The following IGFL2 variants were observed in gnomAD, a reference collection of about 807,000 sequenced individuals.
IGFL2 encodes the protein IGF like family member 2, also known as insulin growth factor-like family member 2.
In IGFL2, 7 loss-of-function variants were observed where a neutral mutation model predicts 13.9. The ratio of observed to expected loss-of-function variants is 0.51; its 90% confidence interval spans 0.29 to 0.95. IGFL2 has a LOEUF of 0.95. Among genes scored for constraint, IGFL2 ranks in the 40% least tolerant of loss-of-function variants. The probability of loss-of-function intolerance (pLI) is 0.08; values close to 1 mark genes in which losing one functional copy is unlikely to be tolerated. For missense variants in IGFL2, 138 were observed against 147.8 expected, an observed-to-expected ratio of 0.93 and a Z score of 0.34; for synonymous variants, 55 against 55.8, an observed-to-expected ratio of 0.99 and a Z score of 0.07.
the IGFL2 span, among the ~76,000 whole-genome samples, chr19:46,109,320 CTT>C: frequency 3.6e-4 from 52 of 144,736 alleles, no homozygotes; most frequent in Non-Finnish European, 2.9e-4. Flanking sequence ...TTACAAAGTA[CTT>C]TTTTTTTTTT....
the IGFL2 span, among the ~76,000 whole-genome samples, chr19:46,089,654 T>G: frequency 6.7e-6 from 1 of 149,822 alleles, no homozygotes; most frequent in Admixed American, 6.6e-5. Context: ...GGTGGTAGGT[T>G]TTTTTTTTTC....
chr19:46,133,604 T>C, the IGFL2 span, among the ~76,000 whole-genome samples: 2 of 152,234 alleles, frequency 1.3e-5, no homozygotes, highest in Admixed American at 1.3e-4. Context: ...AGGGCAAATA[T>C]CTAGGCTAAA....
At chr19:46,188,761 A>T in the IGFL2 span, among the ~76,000 whole-genome samples, 1 of 152,204 alleles carries the variant, frequency 6.6e-6, no homozygotes, top group South Asian at 2.1e-4. Flanking sequence ...TTGTCCTCTG[A>T]TGCCCACATA....
chr19:46,103,279 T>C, the IGFL2 span, among the ~76,000 whole-genome samples: 2 of 152,042 alleles, frequency 1.3e-5, no homozygotes, highest in African/African-American at 4.8e-5. Flanking sequence ...TAGCAGTAAG[T>C]CAAAGCCTCG....
the IGFL2 span, among the ~76,000 whole-genome samples, chr19:46,205,085 C>A: frequency 6.6e-6 from 1 of 152,116 alleles, no homozygotes; most frequent in South Asian, 2.1e-4. Context: ...CCGTGCCCAG[C>A]ATGAAATAAA....
chr19:46,191,128 T>C, the IGFL2 span, among the ~76,000 whole-genome samples: 1 of 152,112 alleles, frequency 6.6e-6, no homozygotes, highest in East Asian at 1.9e-4. Context: ...CACCTTCCTT[T>C]CTAAATTTAA....
At chr19:46,086,396 C>T in the IGFL2 span, among the ~76,000 whole-genome samples, 12 of 152,094 alleles carry the variant, frequency 7.9e-5, no homozygotes, top group East Asian at 1.9e-3. Context: ...ATTCCACTGT[C>T]CACTCCAATC....
At chr19:46,079,194 T>C in the IGFL2 span, among the ~76,000 whole-genome samples, 8 of 148,228 alleles carry the variant, frequency 5.4e-5, no homozygotes, top group South Asian at 2.1e-4. Context: ...TCGCAGTAAC[T>C]GCCTTGGTGT....
At chr19:46,088,269 G>A in the IGFL2 span, among the ~76,000 whole-genome samples, 1 of 152,120 alleles carries the variant, frequency 6.6e-6, no homozygotes, top group Non-Finnish European at 1.5e-5. Flanking sequence ...AGTGCATCTA[G>A]TCAGCTGTGT....
chr19:46,120,197 T>G, the IGFL2 span: 1 of 1,366,630 alleles, frequency 7.3e-7, no homozygotes, highest in Non-Finnish European at 9.9e-7. Context: ...TGGGCTCCTC[T>G]CCAAAGCTAT....
chr19:46,168,028 G>A, the IGFL2 span, among the ~76,000 whole-genome samples: 1 of 152,192 alleles, frequency 6.6e-6, no homozygotes, highest in Admixed American at 6.5e-5. Context: ...GTATTATCTA[G>A]AAGGAGGAAA....
chr19:46,149,618 G>C (rs908179099), intron 1 of IGFL2, among the ~76,000 whole-genome samples: 1 of 151,728 alleles, frequency 6.6e-6, no homozygotes, highest in Admixed American at 6.6e-5. Flanking sequence ...CATATAAATG[G>C]AATCACACCA....
At chr19:46,097,971 C>T in the IGFL2 span, among the ~76,000 whole-genome samples, 2,022 of 152,272 alleles carry the variant, frequency 0.013, 31 homozygotes, top group Middle Eastern at 0.027. Context: ...GAGAAGAATG[C>T]TTATTCTGTT....
chr19:46,204,462 T>C, the IGFL2 span, among the ~76,000 whole-genome samples: 1 of 152,340 alleles, frequency 6.6e-6, no homozygotes, highest in African/African-American at 2.4e-5. Flanking sequence ...TGTTGGAGTT[T>C]ACTGTTATTT....
chr19:46,186,255 C>T, the IGFL2 span, among the ~76,000 whole-genome samples: 1 of 152,198 alleles, frequency 6.6e-6, no homozygotes, highest in Non-Finnish European at 1.5e-5. Flanking sequence ...GCAGGCAGGG[C>T]ACCCCCGCCG....
the IGFL2 span, among the ~76,000 whole-genome samples, chr19:46,135,692 C>A: frequency 9.3e-6 from 1 of 107,682 alleles, no homozygotes; most frequent in Non-Finnish European, 2.1e-5. Context: ...AACTAATTTC[C>A]ACCTCAAAGG....
At chr19:46,089,816 A>T in the IGFL2 span, among the ~76,000 whole-genome samples, 1 of 152,026 alleles carries the variant, frequency 6.6e-6, no homozygotes, top group South Asian at 2.1e-4. Flanking sequence ...TTTACTTATA[A>T]TATGGCTTGG....
At chr19:46,149,603 C>T (rs1420425744) in intron 1 of IGFL2, among the ~76,000 whole-genome samples, 1 of 151,966 alleles carries the variant, frequency 6.6e-6, no homozygotes, top group African/African-American at 2.4e-5. Flanking sequence ...CTATCTGGGA[C>T]ATTTCATATA....
chr19:46,106,487 AAG>A, the IGFL2 span, among the ~76,000 whole-genome samples: 1 of 152,126 alleles, frequency 6.6e-6, no homozygotes, highest in Non-Finnish European at 1.5e-5. Context: ...AGTGAAAGTG[AAG>A]AGAGGCTGGG....
Sources: allele counts gnomAD v4.1 joint callset (sites outside exome capture counted in the v4.1 genomes callset), GRCh38; gene constraint gnomAD v4.1.1; transcripts MANE v1.5; gene names NCBI Gene and HGNC (gene_info 2026-07-23, HGNC 2026-07-21).